Variants in GSAP observed in about 807,000 individuals in gnomAD.
The protein encoded by GSAP is gamma-secretase activating protein, also known as gamma-secretase-activating protein.
GSAP carries 118 observed loss-of-function variants against 131.7 expected under a neutral mutation model. The observed-to-expected ratio is 0.90, with a 90% CI of 0.77 to 1.04. The LOEUF is 1.04. Among genes scored for constraint, GSAP ranks in the 50% least tolerant of loss-of-function variants. GSAP has a pLI of 0.00. For missense variants in GSAP, 1,019 were observed against 1,013.2 expected, an observed-to-expected ratio of 1.01 and a Z score of -0.08; for synonymous variants, 381 against 363.4, an observed-to-expected ratio of 1.05 and a Z score of -0.55.
chr7:77,377,568 G>GCCTCCTCTTCTTCCC (rs1205989115), intron 8 of GSAP, among the ~76,000 whole-genome samples, 178 bp from the exon 9 acceptor site: 1 of 152,076 alleles, frequency 6.6e-6, no homozygotes, highest in African/African-American at 2.4e-5. Context: ...AATGTTTTAA[G>GCCTCCTCTTCTTCCC]ACATAATTTC....
intron 16 of GSAP, 42 bp downstream of exon 16, chr7:77,355,171 G>T: frequency 1.6e-6 from 2 of 1,225,454 alleles, no homozygotes; most frequent in Non-Finnish European, 2.4e-6. Flanking sequence ...TATGTTCAGT[G>T]TCGTCTATCT....
intron 1 of GSAP, among the ~76,000 whole-genome samples, chr7:77,407,605 G>C (rs185123704): frequency 6.6e-6 from 1 of 152,090 alleles, no homozygotes; most frequent in East Asian, 1.9e-4. Context: ...ACTAAAAGTT[G>C]TAACAGGCAT....
intron 5 of GSAP, among the ~76,000 whole-genome samples, chr7:77,394,096 C>T (rs1339595972): frequency 6.6e-6 from 1 of 152,226 alleles, no homozygotes; most frequent in Non-Finnish European, 1.5e-5. Context: ...CTGCCGCAGT[C>T]CATCTTCCAC....
At chr7:77,401,940 A>G (rs1421845552) in intron 3 of GSAP, among the ~76,000 whole-genome samples, 1 of 152,228 alleles carries the variant, frequency 6.6e-6, no homozygotes, top group Non-Finnish European at 1.5e-5. Context: ...AAGAATCTAC[A>G]CAAGTAATGA....
At chr7:77,363,497 T>C (rs1794828722) in intron 12 of GSAP, among the ~76,000 whole-genome samples, 1 of 152,222 alleles carries the variant, frequency 6.6e-6, no homozygotes, top group Non-Finnish European at 1.5e-5. Context: ...GCCCCAGAGC[T>C]AACGTTAACT....
chr7:77,404,105 G>A (rs1390916353), intron 3 of GSAP, among the ~76,000 whole-genome samples: 1 of 152,190 alleles, frequency 6.6e-6, no homozygotes, highest in Non-Finnish European at 1.5e-5. Flanking sequence ...AAGAGATCAG[G>A]AGAGGAAAAA....
At chr7:77,355,826 T>C (rs1301330525) in intron 14 of GSAP, among the ~76,000 whole-genome samples, 179 bp from the exon 15 acceptor site, 1 of 141,578 alleles carries the variant, frequency 7.1e-6, no homozygotes, top group Non-Finnish European at 1.5e-5. Context: ...TCTGACTCTG[T>C]CACCCAGGCT....
intron 18 of GSAP, chr7:77,351,668 T>A (rs1448760352): frequency 1.0e-6 from 1 of 985,726 alleles, no homozygotes; most frequent in East Asian, 1.1e-4. Context: ...GTGTCCACAA[T>A]AGCTGCTCCA....
rs527765723 is a variant in GSAP, at chr7:77,398,613, T to TA, written c.244-1199dup. ...AAAATCCTATCTCTACAAAAGTTTT[T>TA]AAAAAAATATGCCAGGCATGGTGGC... On this transcript the variant is annotated intron_variant, in intron 3 of 30. Coordinates refer to ENST00000257626, the MANE Select transcript of GSAP (RefSeq NM_017439.4). Among the ~76,000 whole-genome samples the TA allele has an allele frequency of 3.0e-4, 45 of 152,134 alleles. 1 individual carries two copies. Among genetic ancestry groups the TA allele is most frequent in the Admixed American group, 2.1e-3 (32 of 15,282 alleles).
intron 2 of GSAP, among the ~76,000 whole-genome samples, chr7:77,405,727 C>T (rs575854624): frequency 5.3e-5 from 8 of 152,200 alleles, no homozygotes; most frequent in African/African-American, 1.7e-4. Context: ...TTGGTACAAA[C>T]GGGGTTTTGC....
At chr7:77,370,385 C>T (rs948809676) in intron 12 of GSAP, among the ~76,000 whole-genome samples, 5 of 152,086 alleles carry the variant, frequency 3.3e-5, no homozygotes, top group Non-Finnish European at 7.4e-5. Context: ...CTCTTGAACC[C>T]GGGAGGAGGA....
At chr7:77,311,627 G>A (rs76790123) in intron 30 of GSAP, 178 bp from the exon 31 acceptor site, 33,621 of 589,566 alleles carry the variant, frequency 0.057, 1,177 homozygotes, top group Non-Finnish European at 0.071. Context: ...AACCAAATGG[G>A]CTTTAAACCT....
intron 10 of GSAP, among the ~76,000 whole-genome samples, chr7:77,376,180 T>C (rs1278655087): frequency 2.6e-5 from 4 of 152,198 alleles, no homozygotes. Flanking sequence ...CATCAATTAT[T>C]AGGTTGGTGC....
rs756072488 is a variant in GSAP at position 77,328,568 on chromosome 7, C to T, written c.1765+38G>A. 1.9e-6 allele frequency: 3 copies of T among 1,599,312 alleles called. No individual in the cohort carries two copies. In the African/African-American group the frequency reaches 4.1e-5, roughly 22 times the overall value. On this transcript the variant is annotated intron_variant, in intron 22 of 30. Coordinates refer to ENST00000257626, the MANE Select transcript of GSAP (RefSeq NM_017439.4). ...AACAGTGCTACAAACAAAACACTGA[C>T]TGGAACCCAGAAGGCTTTATTACAG... is the stretch of plus-strand genomic sequence containing the variant.
At position 77,408,689 on chromosome 7, in the gene GSAP, C is replaced by CAAAAAA. The variant is rs749202124; in HGVS notation, c.110-2590_110-2585dup. ...GCACTTCAGACCAAGACTCTGCCTC[C>CAAAAAA]AAAAAAAAAAAAAAAAAAAAAAAAG... On this transcript the variant is annotated intron_variant, in intron 1 of 30. Coordinates refer to ENST00000257626, the MANE Select transcript of GSAP (RefSeq NM_017439.4). Among the ~76,000 whole-genome samples the CAAAAAA allele has an allele frequency of 3.3e-3, 221 of 66,912 alleles. 1 individual carries two copies. Among genetic ancestry groups the CAAAAAA allele is most frequent in the African/African-American group, 6.1e-3 (106 of 17,290 alleles). The allele number at this position is 66,912 out of a possible 152,430, so 43.9% of individuals were successfully genotyped here. A position where few individuals can be genotyped will look rare whatever the true frequency, so the allele number is the denominator to read the frequency against.
chr7:77,380,187 A>C (rs1797585635), intron 8 of GSAP: 1 of 152,404 alleles, frequency 6.6e-6, no homozygotes, highest in South Asian at 2.1e-4. Flanking sequence ...AGGGAGACAC[A>C]GACTAAGATA....
In GSAP at chr7:77,352,876, T is replaced by C. The variant is rs1793090493; in HGVS notation, c.1491+68A>G. The C allele has an allele frequency of 8.1e-6, 7 of 864,352 alleles. No individual in the cohort carries two copies. In the South Asian group the frequency reaches 8.5e-5, roughly 10 times the overall value. The allele number at this position is 864,352 out of a possible 1,614,324, so 53.5% of individuals were successfully genotyped here. A position where few individuals can be genotyped will look rare whatever the true frequency, so the allele number is the denominator to read the frequency against. ...ACGACCTTGATGGCTATAAGAGAGG[T>C]GTCCAACAACTGACCCACAACTGTG... On this transcript the variant is annotated intron_variant, in intron 18 of 30. Coordinates refer to ENST00000257626, the MANE Select transcript of GSAP (RefSeq NM_017439.4).
intron 19 of GSAP, among the ~76,000 whole-genome samples, chr7:77,348,633 A>C (rs1273313346): frequency 6.6e-6 from 1 of 152,216 alleles, no homozygotes; most frequent in Admixed American, 6.5e-5. Flanking sequence ...GGCAATGCTA[A>C]ATGCCAAAAA....
intron 26 of GSAP, 82 bp downstream of exon 26, chr7:77,320,643 A>G: frequency 1.2e-6 from 1 of 821,828 alleles, no homozygotes. Context: ...TCATCATCAA[A>G]CTTATAATGT....
Sources: allele counts gnomAD v4.1 joint callset (sites outside exome capture counted in the v4.1 genomes callset), GRCh38; gene constraint gnomAD v4.1.1; transcripts MANE v1.5; gene names NCBI Gene and HGNC (gene_info 2026-07-23, HGNC 2026-07-21).